The following UBE2O variants were observed in gnomAD, a reference collection of about 807,000 sequenced individuals.
The protein encoded by UBE2O is (E3-independent) E2 ubiquitin-conjugating enzyme.
In UBE2O, 15 loss-of-function variants were observed where a neutral mutation model predicts 125.8. The ratio of observed to expected loss-of-function variants is 0.12; its 90% confidence interval spans 0.08 to 0.18. The LOEUF (loss-of-function observed/expected upper bound fraction) is 0.18. Ranked by LOEUF, UBE2O falls within the 10% of genes least tolerant of loss-of-function variation. UBE2O has a pLI of 1.00. For synonymous variants in UBE2O, 708 were observed against 703.2 expected (o/e 1.01, Z -0.11); for missense variants, 1,280 against 1,723.6 (o/e 0.74, Z 4.56).
intron 1 of UBE2O, among the ~76,000 whole-genome samples, chr17:76,408,998 TCA>T (rs1325395426): frequency 1.3e-5 from 2 of 151,964 alleles, no homozygotes; most frequent in Non-Finnish European, 2.9e-5. Flanking sequence ...AGATGGAGTC[TCA>T]CTCTCTGGCC....
At chr17:76,438,798 A>G (rs1442671228) in intron 1 of UBE2O, among the ~76,000 whole-genome samples, 1 of 152,140 alleles carries the variant, frequency 6.6e-6, no homozygotes, top group Non-Finnish European at 1.5e-5. Flanking sequence ...ATACGGAATG[A>G]AGATGTTTGT....
Position 76,453,102 on chromosome 17 carries a change from G to T in UBE2O, c.40C>A (p.Pro14Thr). 1.1e-6 allele frequency: 1 copy of T among 948,306 alleles called. No individual in the cohort carries two copies. The highest frequency in any genetic ancestry group is 1.4e-6 in the Non-Finnish European group (1 of 702,072). 58.7% of individuals were successfully genotyped at this position (948,306 alleles called of 1,614,324 possible). The change falls in exon 1 of 18, where the codon CCA becomes ACA. Residue 14 changes from proline to threonine, a missense_variant. Pro to Thr is a conservative substitution (Grantham distance 38). Transcript: ENST00000319380. ...GGGGCTGGAGCCGGGGCCTGGGCTGGAGCGGGAGCTGCGGGCGTGGGGGCT... is the reference window on the plus strand; with the variant it reads ...GGGGCTGGAGCCGGGGCCTGGGCTGTAGCGGGAGCTGCGGGCGTGGGGGCT... ...PAAPTPAAPA[P>T]AQAPAPAPEA...
At chr17:76,429,911 C>T (rs1244064060) in intron 1 of UBE2O, among the ~76,000 whole-genome samples, 7 of 152,202 alleles carry the variant, frequency 4.6e-5, no homozygotes. Context: ...CCTCTGCTCT[C>T]TCACTCGCCA....
At chr17:76,416,201 T>C (rs1036354419) in intron 1 of UBE2O, among the ~76,000 whole-genome samples, 5 of 149,082 alleles carry the variant, frequency 3.4e-5, no homozygotes, top group African/African-American at 1.2e-4. Context: ...TATGTGTATA[T>C]GTGTGTGTAT....
At chr17:76,444,416 A>G (rs1031283586) in intron 1 of UBE2O, among the ~76,000 whole-genome samples, 1 of 152,174 alleles carries the variant, frequency 6.6e-6, no homozygotes, top group Admixed American at 6.5e-5. Context: ...CCGAGTGTGT[A>G]GTTCCAGCTG....
At chr17:76,423,543 A>G (rs1223252179) in intron 1 of UBE2O, among the ~76,000 whole-genome samples, 2 of 151,836 alleles carry the variant, frequency 1.3e-5, no homozygotes, top group South Asian at 2.1e-4. Context: ...AATACAAAAA[A>G]TTAGCCAGGC....
In UBE2O at chr17:76,405,230, G is replaced by A. The variant is rs749300880; in HGVS notation, c.564C>T (p.Asn188=). 6.2e-7 allele frequency: 1 copy of A among 1,612,698 alleles called. No individual in the cohort carries two copies. Among genetic ancestry groups the A allele is most frequent in the African/African-American group, 1.3e-5 (1 of 75,040 alleles). The part of the protein sequence containing the change: ...IGTNCIIYPV[N]SKDLQHIWPF... The stretch of plus-strand genomic sequence containing the variant: ...CCCAGATGTGCTGCAGGTCCTTGCT[G>A]TTGACGGGATAGATGATGCAGTTGG... Residue 188 remains asparagine, a synonymous_variant, in exon 3 of 18, where the codon AAC becomes AAT. Transcript: ENST00000319380. This position sits in a 1 kb window ranked among gnomAD's most constrained non-coding sequence, Gnocchi z 6.1.
chr17:76,430,422 T>A (rs1202126036), intron 1 of UBE2O: 1 of 200,484 alleles, frequency 5.0e-6, no homozygotes, highest in Non-Finnish European at 1.0e-5. Flanking sequence ...ACACCGCAGT[T>A]CATTCTTCTA....
chr17:76,398,261 C>T lies in UBE2O; in HGVS notation c.2019G>A (p.Glu673=), dbSNP rs1344438971. Residue 673 remains glutamate, a synonymous_variant, in exon 12 of 18, where the codon GAG becomes GAA. Transcript: ENST00000319380. This position sits in a 1 kb window ranked among gnomAD's most constrained non-coding sequence, Gnocchi z 5.4. ...GNTEDGAPHK[E]DEPSVGQVAR... ...CTTGAATTTGAAGGCGTACCTCATC[C>T]TCCTTGTGAGGAGCCCCATCCTCAG... The T allele has an allele frequency of 4.3e-6, 7 of 1,614,228 alleles. No individual in the cohort carries two copies. The East Asian group carries it at 6.7e-5, about 15-fold the overall frequency.
chr17:76,451,804 C>G (rs1047390866), intron 1 of UBE2O, among the ~76,000 whole-genome samples: 13 of 146,570 alleles, frequency 8.9e-5, no homozygotes, highest in Non-Finnish European at 1.7e-4. Flanking sequence ...GTGTGTGTGT[C>G]AATTACTGAT....
At chr17:76,427,954 A>T (rs1378234641) in intron 1 of UBE2O, among the ~76,000 whole-genome samples, 2 of 151,920 alleles carry the variant, frequency 1.3e-5, no homozygotes, top group Non-Finnish European at 2.9e-5. Flanking sequence ...GGTCCAATGA[A>T]CCCACCTTGC....
chr17:76,440,588 A>G (rs1267170352), intron 1 of UBE2O, among the ~76,000 whole-genome samples: 1 of 152,216 alleles, frequency 6.6e-6, no homozygotes, highest in Non-Finnish European at 1.5e-5. Context: ...TTGGCCTCCC[A>G]AAGTGTTGGG....
Position 76,399,547 on chromosome 17 carries a change from C to T in UBE2O, c.1530G>A (p.Thr510=), listed in dbSNP as rs147456701. ...STTSSQSGSG[T]SRKKSIPLSI... is the part of the protein sequence containing the mutation. ...ACAAGGGGATGCTCTTTTTGCGACT[C>T]GTGCCGCTGCCGCTCTGGGAGGAAG... Residue 510 remains threonine (T), a synonymous_variant, in exon 9 of 18, where the codon ACG becomes ACA. Coordinates refer to ENST00000319380, the MANE Select transcript of UBE2O (RefSeq NM_022066.4). The surrounding 1 kb of genome is among the most constrained non-coding windows in gnomAD (Gnocchi z 6.9). The T allele has an allele frequency of 5.6e-6, 9 of 1,614,048 alleles. No homozygotes were observed. In the East Asian group the frequency reaches 6.7e-5, roughly 12 times the overall value.
intron 1 of UBE2O, among the ~76,000 whole-genome samples, chr17:76,415,951 GCA>G (rs1427500549): frequency 2.0e-5 from 3 of 151,638 alleles, no homozygotes; most frequent in Non-Finnish European, 2.9e-5. Flanking sequence ...GTATACATAT[GCA>G]CATACACGTA....
Position 76,402,818 on chromosome 17 carries a change from T to C in UBE2O, c.589-119A>G. Reference sequence around the variant, plus strand: ...GGGAGGATCTAGACAGCTCACTGACTGGACCGGTTGGCTACTAGCCCTAAA... The same window carrying C: ...GGGAGGATCTAGACAGCTCACTGACCGGACCGGTTGGCTACTAGCCCTAAA... On this transcript the variant is annotated intron_variant, in intron 3 of 17. Coordinates refer to ENST00000319380, the MANE Select transcript of UBE2O (RefSeq NM_022066.4). This position sits in a 1 kb window ranked among gnomAD's most constrained non-coding sequence, Gnocchi z 5.4. 1 of 833,406 alleles carries C rather than the reference T, an allele frequency of 1.2e-6. No individual in the cohort carries two copies. The highest frequency in any genetic ancestry group is 2.0e-6 in the Non-Finnish European group (1 of 503,104). The allele number at this position is 833,406 out of a possible 1,614,324, so 51.6% of individuals were successfully genotyped here.
chr17:76,441,086 T>C (rs2073070234), intron 1 of UBE2O, among the ~76,000 whole-genome samples: 1 of 152,230 alleles, frequency 6.6e-6, no homozygotes, highest in Admixed American at 6.5e-5. Context: ...AAGCTTTCTC[T>C]GGGTTTCAGT....
chr17:76,400,304 G>C lies in UBE2O; in HGVS notation c.1005-7C>G, dbSNP rs1454723811. The stretch of plus-strand genomic sequence containing the variant: ...GCATCCGAGACGCTTCACCCTGGTT[G>C]GGGAAGAAGTGGGGGTGAGCTGGGC... On this transcript the variant is annotated splice_polypyrimidine_tract_variant and splice_region_variant and intron_variant, in intron 7 of 17. Coordinates refer to ENST00000319380, the MANE Select transcript of UBE2O (RefSeq NM_022066.4). The surrounding 1 kb of genome is among the most constrained non-coding windows in gnomAD (Gnocchi z 4.3). 6.2e-7 allele frequency: 1 copy of C among 1,612,996 alleles called. No individual in the cohort carries two copies. Among genetic ancestry groups the C allele is most frequent in the Non-Finnish European group, 8.5e-7 (1 of 1,179,338 alleles).
intron 1 of UBE2O, among the ~76,000 whole-genome samples, chr17:76,431,630 A>C (rs1442772839): frequency 8.3e-6 from 1 of 119,906 alleles, no homozygotes; most frequent in Non-Finnish European, 1.7e-5. Flanking sequence ...TGAGATGTGA[A>C]ATAGTGGGTA....
At chr17:76,418,883 G>A (rs2072660227) in intron 1 of UBE2O, among the ~76,000 whole-genome samples, 1 of 152,074 alleles carries the variant, frequency 6.6e-6, no homozygotes, top group Non-Finnish European at 1.5e-5. Context: ...CAGATTTTAA[G>A]GCAGTTGTTT....
Sources: allele counts gnomAD v4.1 joint callset (sites outside exome capture counted in the v4.1 genomes callset), GRCh38; gene constraint gnomAD v4.1.1; non-coding constraint Gnocchi (gnomAD v3.1); transcripts MANE v1.5; gene names NCBI Gene and HGNC (gene_info 2026-07-23, HGNC 2026-07-21).